The following ZBTB20 variants were observed in gnomAD, a reference collection of about 807,000 sequenced individuals.
ZBTB20 encodes the protein zinc finger and BTB domain containing 20.
ZBTB20 carries 9 observed loss-of-function variants against 56.9 expected under a neutral mutation model. The ratio of observed to expected loss-of-function variants is 0.16; its 90% CI spans 0.10 to 0.28. ZBTB20 has a LOEUF of 0.28. Among genes scored for constraint, ZBTB20 ranks in the 10% least tolerant of loss-of-function variants. The pLI, the probability that ZBTB20 is intolerant of heterozygous loss-of-function variation, is 1.00. For synonymous variants in ZBTB20, 417 were observed against 420.7 expected (o/e 0.99, Z 0.11); for missense variants, 655 against 1,003.0 (o/e 0.65, Z 4.69).
chr3:115,047,193 G>C (rs1334612746), intron 2 of ZBTB20, among the ~76,000 whole-genome samples: 3 of 152,168 alleles, frequency 2.0e-5, no homozygotes, highest in Admixed American at 6.5e-5. Flanking sequence ...GTACAATTCT[G>C]AATGAAGTCT....
At chr3:114,775,622 G>A (rs2069543538) in intron 5 of ZBTB20, among the ~76,000 whole-genome samples, 1 of 151,784 alleles carries the variant, frequency 6.6e-6, no homozygotes, top group Non-Finnish European at 1.5e-5. Flanking sequence ...CCTCTGGGCT[G>A]CACACGGAGC....
At chr3:114,549,240 T>C (rs1348128585) in intron 6 of ZBTB20, among the ~76,000 whole-genome samples, 1 of 152,224 alleles carries the variant, frequency 6.6e-6, no homozygotes, top group African/African-American at 2.4e-5. Flanking sequence ...ATGAGTTCTT[T>C]TCTTAAGCAG....
chr3:114,904,673 A>G (rs957644535), intron 3 of ZBTB20, among the ~76,000 whole-genome samples: 25 of 151,972 alleles, frequency 1.6e-4, no homozygotes, highest in African/African-American at 5.8e-4. Context: ...TAAGAACTAT[A>G]AATTGTCAAG....
At chr3:114,826,865 A>C (rs1216200753) in intron 4 of ZBTB20, among the ~76,000 whole-genome samples, 2 of 151,728 alleles carry the variant, frequency 1.3e-5, no homozygotes, top group Non-Finnish European at 3.0e-5. Context: ...AAAACTAATA[A>C]GAATAAAATT....
At chr3:114,675,469 G>T (rs963950372) in intron 6 of ZBTB20, among the ~76,000 whole-genome samples, 1 of 152,098 alleles carries the variant, frequency 6.6e-6, no homozygotes, top group Non-Finnish European at 1.5e-5. Flanking sequence ...TAAAGTTTTT[G>T]TGTGTATATC....
At chr3:114,410,065 A>T (rs2087777525) in intron 7 of ZBTB20, among the ~76,000 whole-genome samples, 1 of 152,166 alleles carries the variant, frequency 6.6e-6, no homozygotes, top group South Asian at 2.1e-4. Context: ...GGACCTTCTC[A>T]GGCAACTCAG....
chr3:114,428,029 C>A (rs2089832676), intron 7 of ZBTB20, among the ~76,000 whole-genome samples: 1 of 152,122 alleles, frequency 6.6e-6, no homozygotes, highest in Non-Finnish European at 1.5e-5. Context: ...TAATAGAAAC[C>A]TTGAGATTTG....
chr3:115,147,120 C>A (rs980823711), intron 1 of ZBTB20, 99 bp downstream of exon 1: 3 of 147,412 alleles, frequency 2.0e-5, no homozygotes, highest in East Asian at 2.1e-4. Context: ...CGCCGCCCCC[C>A]ACTCCAGGCG....
At chr3:114,775,336 T>G (rs2069513066) in intron 5 of ZBTB20, among the ~76,000 whole-genome samples, 1 of 152,306 alleles carries the variant, frequency 6.6e-6, no homozygotes, top group Middle Eastern at 3.4e-3. Flanking sequence ...TTTTATCTTA[T>G]ACTTAACTTT....
chr3:114,665,941 A>G (rs1462980694), intron 6 of ZBTB20, among the ~76,000 whole-genome samples: 2 of 151,930 alleles, frequency 1.3e-5, no homozygotes, highest in African/African-American at 4.8e-5. Context: ...TTGTTTATTT[A>G]TTGGGCGGAG....
chr3:115,024,318 G>C (rs1387797216), intron 2 of ZBTB20, among the ~76,000 whole-genome samples: 1 of 150,960 alleles, frequency 6.6e-6, no homozygotes. Context: ...TGACACGGAA[G>C]AGCTTACAAC....
intron 7 of ZBTB20, among the ~76,000 whole-genome samples, chr3:114,397,151 A>T (rs1352238886): frequency 1.3e-5 from 2 of 152,108 alleles, no homozygotes; most frequent in East Asian, 1.9e-4. Context: ...ACATTCATCA[A>T]CTGTGAATCT....
At chr3:114,578,265 A>G (rs1289840808) in intron 6 of ZBTB20, among the ~76,000 whole-genome samples, 1 of 152,082 alleles carries the variant, frequency 6.6e-6, no homozygotes, top group Non-Finnish European at 1.5e-5. Flanking sequence ...ACTCAGAAAA[A>G]AATTGTAGCA....
At chr3:115,135,433 A>G (rs932671923) in intron 1 of ZBTB20, among the ~76,000 whole-genome samples, 14 of 152,154 alleles carry the variant, frequency 9.2e-5, no homozygotes, top group Non-Finnish European at 1.8e-4. Flanking sequence ...TAAAATGACA[A>G]TATGTTCTTC....
intron 4 of ZBTB20, among the ~76,000 whole-genome samples, chr3:114,875,623 A>G (rs1296388379): frequency 6.6e-6 from 1 of 152,186 alleles, no homozygotes; most frequent in Non-Finnish European, 1.5e-5. Context: ...ATATAGAACT[A>G]TATAACCCTC....
chr3:114,648,555 C>T (rs2059967867), intron 6 of ZBTB20, among the ~76,000 whole-genome samples: 1 of 151,780 alleles, frequency 6.6e-6, no homozygotes, highest in African/African-American at 2.4e-5. Flanking sequence ...GTGCTATCTG[C>T]AATAATAATA....
intron 3 of ZBTB20, among the ~76,000 whole-genome samples, chr3:114,911,035 T>C (rs2075515237): frequency 6.6e-6 from 1 of 152,022 alleles, no homozygotes; most frequent in Admixed American, 6.6e-5. Context: ...TTCTCTGTCC[T>C]ATTCTTGTTC....
rs149915926 is a variant in ZBTB20, at chr3:114,767,980, AAT to A, written c.-343+33119_-343+33120del. 5.6e-3 allele frequency among the ~76,000 whole-genome samples: 860 copies of A among 152,272 alleles called. 8 individuals carry two copies. Among genetic ancestry groups the A allele is most frequent in the African/African-American group, 0.019 (794 of 41,562 alleles). ...ACATATAAAGTATACATTTAGATAA[AAT>A]ATAAAGTATATTTGCATACATTTTC... is the stretch of plus-strand genomic sequence containing the variant. On this transcript the variant is annotated intron_variant, in intron 5 of 11. Coordinates refer to ENST00000675478, the MANE Select transcript of ZBTB20 (RefSeq NM_001348800.3).
At chr3:114,520,151 A>C (rs976488731) in intron 6 of ZBTB20, 1 of 152,164 alleles carries the variant, frequency 6.6e-6, no homozygotes, top group Admixed American at 6.6e-5. Context: ...AAAGAAAAAA[A>C]GAATAAAGAT....
Sources: allele counts gnomAD v4.1 joint callset (sites outside exome capture counted in the v4.1 genomes callset), GRCh38; gene constraint gnomAD v4.1.1; transcripts MANE v1.5; gene names NCBI Gene and HGNC (gene_info 2026-07-23, HGNC 2026-07-21).